The following ULK4 variants were observed in gnomAD, a reference collection of about 807,000 sequenced individuals.
The protein encoded by ULK4 is unc-51 like kinase 4.
A neutral mutation model predicts 160.6 loss-of-function variants in ULK4; 133 were observed. The ratio of observed to expected loss-of-function variants is 0.83; its 90% confidence interval spans 0.72 to 0.96. The LOEUF (loss-of-function observed/expected upper bound fraction) is 0.96. ULK4 is among the 40% of genes least tolerant of loss of function. The pLI, the probability that ULK4 is intolerant of heterozygous loss-of-function variation, is 0.00. For missense variants in ULK4, 1,580 were observed against 1,499.5 expected, an observed-to-expected ratio of 1.05 and a Z score of -0.89; for synonymous variants, 534 against 539.8, an observed-to-expected ratio of 0.99 and a Z score of 0.15.
At chr3:41,901,939 A>G (rs111786554) in intron 12 of ULK4, among the ~76,000 whole-genome samples, 8,328 of 152,294 alleles carry the variant, frequency 0.055, 319 homozygotes, top group Non-Finnish European at 0.083. Context: ...GCCTAGTTAG[A>G]GTTGATACAT....
intron 35 of ULK4, among the ~76,000 whole-genome samples, chr3:41,346,989 C>A (rs2080813344): frequency 6.6e-6 from 1 of 152,080 alleles, no homozygotes. Context: ...AGTCATTACT[C>A]AGGATTTATC....
intron 7 of ULK4, among the ~76,000 whole-genome samples, chr3:41,918,233 A>G (rs1699040823): frequency 6.6e-6 from 1 of 152,154 alleles, no homozygotes; most frequent in African/African-American, 2.4e-5. Flanking sequence ...AGATGCACAA[A>G]ATAGTTTTTA....
At chr3:41,347,711 T>C (rs1014899524) in intron 35 of ULK4, among the ~76,000 whole-genome samples, 1 of 152,108 alleles carries the variant, frequency 6.6e-6, no homozygotes, top group East Asian at 1.9e-4. Flanking sequence ...CGCCATAGTG[T>C]CTCCAGACAA....
intron 32 of ULK4, among the ~76,000 whole-genome samples, chr3:41,506,764 T>TAAAAAAAAAAAAAAAAA (rs200785051): frequency 0.08 from 1,588 of 19,810 alleles, 313 homozygotes; most frequent in Non-Finnish European, 0.1. Context: ...GAGTGTGATT[T>TAAAAAAAAAAAAAAAAA]AAAATATATA....
intron 35 of ULK4, among the ~76,000 whole-genome samples, chr3:41,327,145 A>G (rs2080353597): frequency 1.3e-5 from 2 of 152,126 alleles, no homozygotes; most frequent in Non-Finnish European, 1.5e-5. Context: ...TTAAAAAAAG[A>G]GGGTTGGAAA....
At chr3:41,803,755 A>G (rs935480020) in intron 19 of ULK4, among the ~76,000 whole-genome samples, 50 of 152,040 alleles carry the variant, frequency 3.3e-4, no homozygotes, top group Admixed American at 1.6e-3. Flanking sequence ...TTGTCCTTGC[A>G]ATAGTTTACT....
intron 27 of ULK4, among the ~76,000 whole-genome samples, chr3:41,683,095 G>C (rs1272630420): frequency 2.0e-5 from 3 of 152,086 alleles, no homozygotes; most frequent in African/African-American, 7.2e-5. Context: ...CATTCCCAGT[G>C]ATCACAAAAC....
rs1165381982 is a variant in ULK4 at position 41,420,475 on chromosome 3, C to CTTTTTTTTTTTTTTTTTTT, written c.3493-22230_3493-22212dup. ...GGATTTTTCAGTTTTCCAGTTCTTT[C>CTTTTTTTTTTTTTTTTTTT]TTTTTTTTTTTTTTTTTTTTTTTTT... On this transcript the variant is annotated intron_variant, in intron 34 of 36. Coordinates refer to ENST00000301831, the MANE Select transcript of ULK4 (RefSeq NM_017886.4). Among the ~76,000 whole-genome samples the CTTTTTTTTTTTTTTTTTTT allele has an allele frequency of 3.2e-3, 130 of 41,178 alleles. 16 individuals carry two copies. Among genetic ancestry groups the CTTTTTTTTTTTTTTTTTTT allele is most frequent in the Admixed American group, 4.9e-3 (10 of 2,042 alleles). The allele number at this position is 41,178 out of a possible 152,430, so 27.0% of individuals were successfully genotyped here.
chr3:41,433,461 A>G (rs545424489), intron 34 of ULK4, among the ~76,000 whole-genome samples: 4 of 152,200 alleles, frequency 2.6e-5, no homozygotes, highest in South Asian at 2.1e-4. Flanking sequence ...TTACCTAGCA[A>G]TTCTATTTCT....
chr3:41,532,033 A>T (rs995747737), intron 32 of ULK4, among the ~76,000 whole-genome samples: 2 of 152,190 alleles, frequency 1.3e-5, no homozygotes, highest in Admixed American at 1.3e-4. Flanking sequence ...TCTAATCTAT[A>T]CAAGTTAGCC....
At chr3:41,900,643 A>C (rs1698318297) in intron 13 of ULK4, 82 bp downstream of exon 13, 5 of 1,126,440 alleles carry the variant, frequency 4.4e-6, no homozygotes, top group Non-Finnish European at 5.2e-6. Flanking sequence ...TATACAGTAA[A>C]TAATATTCTG....
chr3:41,387,470 C>T (rs2081844375), intron 35 of ULK4, among the ~76,000 whole-genome samples: 1 of 151,898 alleles, frequency 6.6e-6, no homozygotes, highest in Admixed American at 6.6e-5. Flanking sequence ...TGTGCTGCAC[C>T]CATCAACTCA....
chr3:41,455,307 A>G (rs949076729), intron 34 of ULK4, among the ~76,000 whole-genome samples, 190 bp downstream of exon 34: 1 of 152,218 alleles, frequency 6.6e-6, no homozygotes, highest in African/African-American at 2.4e-5. Flanking sequence ...ATCTATTTAA[A>G]TGAATAAGCC....
chr3:41,427,029 GAAGAA>G (rs1403266326), intron 34 of ULK4, among the ~76,000 whole-genome samples: 1 of 152,012 alleles, frequency 6.6e-6, no homozygotes, highest in Non-Finnish European at 1.5e-5. Context: ...GACAAATAAA[GAAGAA>G]AAGAGAGTTG....
chr3:41,768,481 C>T (rs972123855), intron 21 of ULK4, among the ~76,000 whole-genome samples: 1 of 152,112 alleles, frequency 6.6e-6, no homozygotes, highest in Non-Finnish European at 1.5e-5. Flanking sequence ...ACTCCTGAAA[C>T]AGTCACTCTT....
chr3:41,566,009 T>A lies in ULK4; in HGVS notation c.3226+16A>T, dbSNP rs775669130. 9 of 1,601,594 alleles carry A rather than the reference T, an allele frequency of 5.6e-6. No homozygotes were observed. The Admixed American group carries it at 1.3e-4, about 24-fold the overall frequency. Reference sequence around the variant, plus strand: ...AGGCAAAACTTGATCAGAGAGTAATTCTATGAGGCATTTACCTTGTTCATA... The same window carrying A: ...AGGCAAAACTTGATCAGAGAGTAATACTATGAGGCATTTACCTTGTTCATA... On this transcript the variant is annotated intron_variant, in intron 32 of 36. Transcript: ENST00000301831.
chr3:41,757,804 T>C (rs1336568062), intron 21 of ULK4, among the ~76,000 whole-genome samples: 1 of 151,878 alleles, frequency 6.6e-6, no homozygotes, highest in East Asian at 2.0e-4. Flanking sequence ...ATTTTTTGTA[T>C]TTTTAGTAGA....
intron 35 of ULK4, among the ~76,000 whole-genome samples, chr3:41,354,707 A>C (rs1222222218): frequency 1.3e-5 from 2 of 152,198 alleles, no homozygotes; most frequent in African/African-American, 4.8e-5. Context: ...TCCCACTCTG[A>C]GATGGGGCAA....
chr3:41,520,712 C>T (rs1196953702), intron 32 of ULK4, among the ~76,000 whole-genome samples: 1 of 152,174 alleles, frequency 6.6e-6, no homozygotes, highest in African/African-American at 2.4e-5. Context: ...CACATCCTCA[C>T]CAACATGCTA....
Sources: allele counts gnomAD v4.1 joint callset (sites outside exome capture counted in the v4.1 genomes callset), GRCh38; gene constraint gnomAD v4.1.1; transcripts MANE v1.5; gene names NCBI Gene and HGNC (gene_info 2026-07-23, HGNC 2026-07-21).